SLC24A2: variants seen among roughly 807,000 people sequenced by gnomAD.
The protein encoded by SLC24A2 is sodium/potassium/calcium exchanger 2.
In SLC24A2, 36 loss-of-function variants were observed where a neutral mutation model predicts 62.0. The ratio of observed to expected loss-of-function variants is 0.58; its 90% CI spans 0.44 to 0.77. The LOEUF is 0.77. Ranked by LOEUF, SLC24A2 falls within the 30% of genes least tolerant of loss-of-function variation. The pLI is 0.00. For synonymous variants in SLC24A2, 358 were observed against 294.0 expected (o/e 1.22, Z -2.23); for missense variants, 846 against 817.9 (o/e 1.03, Z -0.42).
the SLC24A2 span, among the ~76,000 whole-genome samples, chr9:20,206,113 A>C: frequency 6.6e-6 from 1 of 152,360 alleles, no homozygotes; most frequent in African/African-American, 2.4e-5. Flanking sequence ...CAGAGTATAA[A>C]AAGTTTATTG....
intron 8 of SLC24A2, among the ~76,000 whole-genome samples, chr9:19,546,870 C>G (rs57443905): frequency 6.6e-6 from 1 of 152,262 alleles, no homozygotes; most frequent in South Asian, 2.1e-4. Flanking sequence ...GGGAAAAGCA[C>G]AGTGTCTGGG....
rs1172919703 is a variant in SLC24A2 at position 19,673,245 on chromosome 9, T to A, written c.931-50946A>T. 1.4e-5 allele frequency among the ~76,000 whole-genome samples: 2 copies of A among 146,538 alleles called. 1 individual carries two copies. The highest frequency in any genetic ancestry group is 5.4e-5 in the African/African-American group (2 of 37,116). On this transcript the variant is annotated intron_variant, in intron 2 of 10. Transcript: ENST00000341998. ...GTGTTAGGTGCATATATATTTAGAA[T>A]TGTGATATTTTCCTGTTGGACAAGT...
intron 2 of SLC24A2, among the ~76,000 whole-genome samples, chr9:19,689,592 G>C (rs1299737179): frequency 6.6e-6 from 1 of 152,116 alleles, no homozygotes; most frequent in Admixed American, 6.6e-5. Context: ...GCTGGGGAAA[G>C]GGCTTGTCAG....
At chr9:19,694,508 T>C (rs1820129893) in intron 2 of SLC24A2, among the ~76,000 whole-genome samples, 1 of 152,166 alleles carries the variant, frequency 6.6e-6, no homozygotes, top group Admixed American at 6.5e-5. Flanking sequence ...ACAGGGAAAC[T>C]AGCAGGCGAA....
chr9:20,169,520 AC>A, the SLC24A2 span, among the ~76,000 whole-genome samples: 2 of 152,046 alleles, frequency 1.3e-5, no homozygotes, highest in African/African-American at 4.8e-5. Flanking sequence ...TGTGCAGACA[AC>A]CCCCAGTGTT....
At chr9:19,601,873 C>T (rs894171180) in intron 4 of SLC24A2, among the ~76,000 whole-genome samples, 3 of 152,166 alleles carry the variant, frequency 2.0e-5, no homozygotes, top group African/African-American at 7.2e-5. Context: ...GTGAGAATTA[C>T]AGGTGCTTAA....
intron 5 of SLC24A2, among the ~76,000 whole-genome samples, chr9:19,592,501 CCTACCTACCT>C (rs1836586453): frequency 6.9e-6 from 1 of 144,522 alleles, no homozygotes; most frequent in Non-Finnish European, 1.5e-5. Context: ...TACCCACCTA[CCTACCTACCT>C]ACCTACCTAC....
the SLC24A2 span, among the ~76,000 whole-genome samples, chr9:20,242,639 T>G: frequency 2.0e-5 from 3 of 152,126 alleles, no homozygotes; most frequent in East Asian, 5.8e-4. Context: ...TTATCTTCTC[T>G]CACCAGCTCT....
At chr9:19,936,129 C>T in the SLC24A2 span, among the ~76,000 whole-genome samples, 4 of 152,078 alleles carry the variant, frequency 2.6e-5, no homozygotes, top group East Asian at 7.7e-4. Flanking sequence ...AACCTTAGAG[C>T]CCACCGTGAT....
chr9:19,742,580 A>T (rs1821712504), intron 2 of SLC24A2, among the ~76,000 whole-genome samples: 1 of 152,160 alleles, frequency 6.6e-6, no homozygotes, highest in Admixed American at 6.6e-5. Context: ...TTTTAAGTAT[A>T]GGAAGGTTGG....
At chr9:19,669,505 ATTACT>A (rs1336381759) in intron 2 of SLC24A2, among the ~76,000 whole-genome samples, 1 of 152,216 alleles carries the variant, frequency 6.6e-6, no homozygotes, top group South Asian at 2.1e-4. Flanking sequence ...ACACAAACTT[ATTACT>A]TTAAACTCCT....
chr9:19,629,982 G>A lies in SLC24A2; in HGVS notation c.931-7683C>T, dbSNP rs140834067. 2.4e-3 allele frequency among the ~76,000 whole-genome samples: 367 copies of A among 152,188 alleles called. 1 individual carries two copies. Among genetic ancestry groups the A allele is most frequent in the Non-Finnish European group, 3.7e-3 (251 of 68,006 alleles). The stretch of plus-strand genomic sequence containing the variant: ...ATTCTTCTAGGTTCCTGGGATTTAG[G>A]TGTGGCCCAAACTGGCAAAAATGTC... On this transcript the variant is annotated intron_variant, in intron 2 of 10. Coordinates refer to ENST00000341998, the MANE Select transcript of SLC24A2 (RefSeq NM_020344.4).
the SLC24A2 span, among the ~76,000 whole-genome samples, chr9:19,802,886 G>A: frequency 6.6e-6 from 1 of 152,094 alleles, no homozygotes; most frequent in Admixed American, 6.5e-5. Context: ...GGCCTTTAGG[G>A]GGTGATCAGG....
At chr9:20,164,025 A>C in the SLC24A2 span, among the ~76,000 whole-genome samples, 1 of 152,158 alleles carries the variant, frequency 6.6e-6, no homozygotes, top group African/African-American at 2.4e-5. Context: ...AAACCATAAA[A>C]ACCCTAGAAG....
the SLC24A2 span, among the ~76,000 whole-genome samples, chr9:20,081,153 A>T: frequency 6.6e-6 from 1 of 152,224 alleles, no homozygotes; most frequent in African/African-American, 2.4e-5. Flanking sequence ...ATTATAAATC[A>T]TGCTGCTATA....
the SLC24A2 span, among the ~76,000 whole-genome samples, chr9:19,822,948 TCTC>T: frequency 6.6e-6 from 1 of 152,036 alleles, no homozygotes; most frequent in Non-Finnish European, 1.5e-5. Flanking sequence ...TCCTTCCTCT[TCTC>T]CTTCTCAGGA....
chr9:20,135,313 A>T, the SLC24A2 span, among the ~76,000 whole-genome samples: 1 of 150,790 alleles, frequency 6.6e-6, no homozygotes, highest in South Asian at 2.1e-4. Context: ...TAAAATTTTA[A>T]TTTTTAATTA....
chr9:19,726,502 C>T (rs927652730), intron 2 of SLC24A2, among the ~76,000 whole-genome samples: 2 of 152,172 alleles, frequency 1.3e-5, no homozygotes, highest in Non-Finnish European at 2.9e-5. Context: ...ACAGCACTCC[C>T]TGCACAACAG....
chr9:20,289,597 T>C, the SLC24A2 span, among the ~76,000 whole-genome samples: 1 of 152,202 alleles, frequency 6.6e-6, no homozygotes, highest in South Asian at 2.1e-4. Flanking sequence ...AATGTTTAAC[T>C]ACACAAGCAG....
Sources: allele counts gnomAD v4.1 joint callset (sites outside exome capture counted in the v4.1 genomes callset), GRCh38; gene constraint gnomAD v4.1.1; transcripts MANE v1.5; gene names NCBI Gene and HGNC (gene_info 2026-07-23, HGNC 2026-07-21).